Variants in ZFYVE9 observed in about 807,000 individuals in gnomAD.
The protein encoded by ZFYVE9 is zinc finger FYVE-type containing 9, also known as zinc finger FYVE domain-containing protein 9.
A neutral mutation model predicts 126.7 loss-of-function variants in ZFYVE9; 43 were observed. That is an observed-to-expected ratio of 0.34 (90% confidence interval 0.27 to 0.44). The LOEUF (loss-of-function observed/expected upper bound fraction) is 0.44. ZFYVE9 is among the 20% of genes least tolerant of loss of function. ZFYVE9 has a pLI of 1.00. For missense variants in ZFYVE9, 1,476 were observed against 1,697.0 expected, an observed-to-expected ratio of 0.87 and a Z score of 2.29; for synonymous variants, 521 against 597.4, an observed-to-expected ratio of 0.87 and a Z score of 1.87.
chr1:52,181,231 C>T (rs888770332), intron 1 of ZFYVE9, among the ~76,000 whole-genome samples: 13 of 152,206 alleles, frequency 8.5e-5, no homozygotes, highest in African/African-American at 1.7e-4. Flanking sequence ...TGCAGGCGCG[C>T]GCTGCCACGC....
At chr1:52,198,535 CT>C (rs1327391954) in intron 1 of ZFYVE9, among the ~76,000 whole-genome samples, 11 of 152,144 alleles carry the variant, frequency 7.2e-5, no homozygotes, top group Non-Finnish European at 1.5e-4. Flanking sequence ...GCCCTAAATG[CT>C]CGCAAAGAGT....
intron 2 of ZFYVE9, 139 bp from the exon 3 acceptor site, chr1:52,233,027 TTATAA>T (rs1392602307): frequency 7.0e-6 from 2 of 284,260 alleles, no homozygotes; most frequent in Non-Finnish European, 1.3e-5. Context: ...CTTAAAGATC[TTATAA>T]TATATCCAGT....
chr1:52,188,596 CAA>C (rs1047216044), intron 1 of ZFYVE9, among the ~76,000 whole-genome samples: 1 of 151,894 alleles, frequency 6.6e-6, no homozygotes, highest in African/African-American at 2.4e-5. Context: ...TAATTTTGTA[CAA>C]AAAATAGTTT....
chr1:52,173,301 C>T lies in ZFYVE9; in HGVS notation c.-143+30898C>T, dbSNP rs539804696. Among the ~76,000 whole-genome samples, 9 of 152,260 alleles carry T rather than the reference C, an allele frequency of 5.9e-5. No homozygotes were observed. In the South Asian group the frequency reaches 1.9e-3, roughly 32 times the overall value. On this transcript the variant is annotated intron_variant, in intron 1 of 18. Coordinates refer to ENST00000287727, the MANE Select transcript of ZFYVE9 (RefSeq NM_004799.4). ...TTGGTTCTGTTTATATGCTGGATTA[C>T]ATTTATTGATTTGCTTATATTGAAC... is the stretch of plus-strand genomic sequence containing the variant.
chr1:52,180,605 A>G lies in ZFYVE9; in HGVS notation c.-142-35764A>G, dbSNP rs1326972628. ...TGACAAATTGTCTGGATTTTTTAAA[A>G]AAGGATAAAGTAAGAATGAATTCTT... is the stretch of plus-strand genomic sequence containing the variant. On this transcript the variant is annotated intron_variant, in intron 1 of 18. Coordinates refer to ENST00000287727, the MANE Select transcript of ZFYVE9 (RefSeq NM_004799.4). The G allele has an allele frequency of 7.2e-6, 4 of 556,838 alleles. No individual in the cohort carries two copies. The African/African-American group carries it at 7.5e-5, about 11-fold the overall frequency. The allele number at this position is 556,838 out of a possible 1,614,324, so 34.5% of individuals were successfully genotyped here.
intron 5 of ZFYVE9, among the ~76,000 whole-genome samples, chr1:52,266,447 T>C (rs1338079017): frequency 6.6e-6 from 1 of 150,506 alleles, no homozygotes; most frequent in African/African-American, 2.5e-5. Context: ...ATGTTACTCT[T>C]ATTTGCTCCA....
chr1:52,182,001 G>A (rs1383128983), intron 1 of ZFYVE9, among the ~76,000 whole-genome samples: 1 of 151,928 alleles, frequency 6.6e-6, no homozygotes. Flanking sequence ...GGGAGGCGAG[G>A]GGGTCAGCCC....
chr1:52,295,093 A>G (rs1645960078), intron 11 of ZFYVE9, among the ~76,000 whole-genome samples: 1 of 152,112 alleles, frequency 6.6e-6, no homozygotes, highest in Admixed American at 6.5e-5. Flanking sequence ...CTGTAATTCC[A>G]GCTACTGGAG....
chr1:52,229,868 CTT>C (rs869107075), intron 2 of ZFYVE9, among the ~76,000 whole-genome samples: 38 of 140,518 alleles, frequency 2.7e-4, no homozygotes, highest in Admixed American at 2.8e-4. Flanking sequence ...CTCACAGACA[CTT>C]TTTTTTTTTT....
chr1:52,335,942 T>A (rs1646384416), intron 15 of ZFYVE9, among the ~76,000 whole-genome samples: 1 of 152,162 alleles, frequency 6.6e-6, no homozygotes, highest in East Asian at 1.9e-4. Flanking sequence ...GAGACCAGCC[T>A]GGCCGACATG....
intron 1 of ZFYVE9, among the ~76,000 whole-genome samples, chr1:52,184,956 C>G (rs1021957560): frequency 3.3e-5 from 5 of 152,064 alleles, no homozygotes; most frequent in Non-Finnish European, 5.9e-5. Context: ...GAGTTCAAGA[C>G]CAGTCTGGGC....
intron 1 of ZFYVE9, among the ~76,000 whole-genome samples, chr1:52,191,759 A>G (rs1439575563): frequency 5.9e-5 from 9 of 152,220 alleles, no homozygotes; most frequent in African/African-American, 9.7e-5. Flanking sequence ...GTGATTTCTC[A>G]TGAAACTGTA....
chr1:52,259,136 T>C (rs1252519408), intron 4 of ZFYVE9, among the ~76,000 whole-genome samples: 2 of 152,204 alleles, frequency 1.3e-5, no homozygotes, highest in East Asian at 3.9e-4. Context: ...ATCTCTTCCA[T>C]GTCTCTCTCC....
At chr1:52,287,215 A>C (rs1000870271) in intron 10 of ZFYVE9, among the ~76,000 whole-genome samples, 1 of 151,838 alleles carries the variant, frequency 6.6e-6, no homozygotes, top group African/African-American at 2.4e-5. Flanking sequence ...TCAGCCTCCC[A>C]ATTAGCTCCC....
intron 1 of ZFYVE9, among the ~76,000 whole-genome samples, chr1:52,172,016 T>G (rs1644576479): frequency 6.6e-6 from 1 of 152,126 alleles, no homozygotes; most frequent in Admixed American, 6.5e-5. Flanking sequence ...GAGATCCCAT[T>G]TGTCAATTTT....
chr1:52,148,765 C>T (rs1454889941), intron 1 of ZFYVE9, among the ~76,000 whole-genome samples: 1 of 151,162 alleles, frequency 6.6e-6, no homozygotes, highest in Non-Finnish European at 1.5e-5. Context: ...CCTCAACCTC[C>T]CTGGTAGCGG....
At chr1:52,309,823 A>C (rs1050222535) in intron 13 of ZFYVE9, among the ~76,000 whole-genome samples, 1 of 152,192 alleles carries the variant, frequency 6.6e-6, no homozygotes, top group Non-Finnish European at 1.5e-5. Flanking sequence ...GGGAGGGACT[A>C]AGGAAAGACT....
intron 13 of ZFYVE9, among the ~76,000 whole-genome samples, chr1:52,319,583 C>G (rs983798712): frequency 6.6e-5 from 10 of 151,038 alleles, no homozygotes; most frequent in Non-Finnish European, 1.2e-4. Flanking sequence ...GAGATCGCAC[C>G]ATTGTACTCC....
At chr1:52,266,295 C>T (rs1171891964) in intron 5 of ZFYVE9, among the ~76,000 whole-genome samples, 4 of 150,006 alleles carry the variant, frequency 2.7e-5, no homozygotes, top group Admixed American at 1.3e-4. Flanking sequence ...GACGGGGTTT[C>T]ACCACGTTAG....
Sources: gnomAD v4.1 joint callset for allele counts (sites outside exome capture counted in the v4.1 genomes callset) on GRCh38, gnomAD v4.1.1 for gene constraint, MANE v1.5 for transcripts, NCBI Gene and HGNC (gene_info 2026-07-23, HGNC 2026-07-21) for gene names.